Variants in BBX observed in about 807,000 individuals in gnomAD.
BBX encodes HMG box transcription factor BBX.
In BBX, 30 loss-of-function variants were observed where a neutral mutation model predicts 100.2. That is an observed-to-expected ratio of 0.30 (90% CI 0.22 to 0.41). The LOEUF (loss-of-function observed/expected upper bound fraction) is 0.41. Among genes scored for constraint, BBX ranks in the 10% least tolerant of loss-of-function variants. BBX has a pLI of 1.00. For missense variants in BBX, 1,023 were observed against 1,129.8 expected, an observed-to-expected ratio of 0.91 and a Z score of 1.35; for synonymous variants, 376 against 388.1, an observed-to-expected ratio of 0.97 and a Z score of 0.37.
intron 2 of BBX, among the ~76,000 whole-genome samples, chr3:107,623,419 C>T (rs1293426506): frequency 6.6e-6 from 1 of 152,170 alleles, no homozygotes; most frequent in Non-Finnish European, 1.5e-5. Context: ...AATGGTACTT[C>T]AAATTTTGTT....
intron 7 of BBX, among the ~76,000 whole-genome samples, chr3:107,736,188 G>C (rs961090700): frequency 1.3e-5 from 2 of 151,980 alleles, no homozygotes; most frequent in Non-Finnish European, 2.9e-5. Flanking sequence ...CTGAGACCCT[G>C]TAAAATAGAA....
intron 7 of BBX, among the ~76,000 whole-genome samples, chr3:107,738,768 C>G (rs1428457920): frequency 6.6e-6 from 1 of 152,164 alleles, no homozygotes; most frequent in Non-Finnish European, 1.5e-5. Flanking sequence ...ACTGCCAGAG[C>G]AGGGGCATTT....
In BBX at chr3:107,680,650, G is replaced by A. The variant is rs115629244; in HGVS notation, c.-9-29802G>A. The stretch of plus-strand genomic sequence containing the variant: ...TGATTCAATTGAATTGCTCTGTCTC[G>A]CTATAGCAGTTTTTAAAAGCTTCTT... On this transcript the variant is annotated intron_variant, in intron 3 of 17. Coordinates refer to ENST00000325805, the MANE Select transcript of BBX (RefSeq NM_001142568.3). Among the ~76,000 whole-genome samples the A allele has an allele frequency of 6.5e-3, 985 of 152,180 alleles. 4 individuals carry two copies. Among genetic ancestry groups the A allele is most frequent in the Non-Finnish European group, 9.3e-3 (634 of 68,002 alleles).
intron 2 of BBX, among the ~76,000 whole-genome samples, chr3:107,542,865 T>C (rs2048957825): frequency 6.6e-6 from 1 of 152,174 alleles, no homozygotes; most frequent in Admixed American, 6.5e-5. Context: ...CATGGACCAG[T>C]CTAGGCTCCC....
At chr3:107,755,802 C>T (rs1009119803) in intron 10 of BBX, 124 bp downstream of exon 10, 3 of 803,752 alleles carry the variant, frequency 3.7e-6, no homozygotes, top group African/African-American at 1.7e-5. Flanking sequence ...ATCTAATTTT[C>T]AACAATGAGA....
chr3:107,732,888 C>A, intron 6 of BBX, 68 bp from the exon 7 acceptor site: 1 of 1,316,994 alleles, frequency 7.6e-7, no homozygotes, highest in Non-Finnish European at 1.1e-6. Context: ...TATGAGTATT[C>A]TTTTTGACTC....
rs1164449210 is a variant in BBX at position 107,811,298 on chromosome 3, A to G, written c.*5841A>G. On this transcript the variant is annotated 3_prime_UTR_variant, in exon 18 of 18. Coordinates refer to ENST00000325805, the MANE Select transcript of BBX (RefSeq NM_001142568.3). ...TTTCACTAAAAACAGTAGGAAAAAT[A>G]CTAATAAAAGTAAGATATTTCAACT... The G allele has an allele frequency of 6.6e-6, 1 of 152,224 alleles. No homozygotes were observed. Among genetic ancestry groups the G allele is most frequent in the Non-Finnish European group, 1.5e-5 (1 of 68,042 alleles). 9.4% of individuals were successfully genotyped at this position (152,224 alleles called of 1,614,324 possible).
intron 2 of BBX, among the ~76,000 whole-genome samples, chr3:107,549,942 C>T (rs777449584): frequency 2.0e-5 from 3 of 150,262 alleles, no homozygotes; most frequent in African/African-American, 4.9e-5. Flanking sequence ...CTCAAGGAGC[C>T]AGGACAAGGG....
chr3:107,585,003 C>A (rs1255486769), intron 2 of BBX, among the ~76,000 whole-genome samples: 6 of 151,916 alleles, frequency 3.9e-5, no homozygotes, highest in Admixed American at 3.9e-4. Flanking sequence ...TAATTACTGG[C>A]CTTTGAGAGA....
chr3:107,606,898 G>A (rs755950941), intron 2 of BBX, among the ~76,000 whole-genome samples: 2 of 151,674 alleles, frequency 1.3e-5, no homozygotes, highest in African/African-American at 2.4e-5. Flanking sequence ...TCCTTATAAC[G>A]ACTTTTTTAT....
intron 6 of BBX, 89 bp from the exon 7 acceptor site, chr3:107,732,867 T>C (rs1327690183): frequency 6.6e-6 from 7 of 1,061,820 alleles, no homozygotes; most frequent in African/African-American, 1.6e-5. Context: ...GGATTTCTGA[T>C]TGCTAGTCTT....
At chr3:107,611,781 G>A (rs1003776662) in intron 2 of BBX, among the ~76,000 whole-genome samples, 5 of 152,030 alleles carry the variant, frequency 3.3e-5, no homozygotes, top group Non-Finnish European at 5.9e-5. Context: ...CTTTCTCTAG[G>A]TTAGGAAGTT....
chr3:107,781,716 G>T (rs1221695974), intron 13 of BBX, among the ~76,000 whole-genome samples: 1 of 152,034 alleles, frequency 6.6e-6, no homozygotes, highest in Non-Finnish European at 1.5e-5. Context: ...TTGAAATTAT[G>T]CCTCATCTTG....
At chr3:107,778,251 T>G in intron 12 of BBX, 120 bp from the exon 13 acceptor site, 2 of 1,244,058 alleles carry the variant, frequency 1.6e-6, no homozygotes, top group Non-Finnish European at 2.3e-6. Flanking sequence ...TGCACAGAAT[T>G]TACTTACCTA....
chr3:107,741,381 A>T (rs909619881), intron 7 of BBX, among the ~76,000 whole-genome samples: 32 of 152,216 alleles, frequency 2.1e-4, no homozygotes, highest in African/African-American at 7.7e-4. Context: ...TTCCATGGTT[A>T]TTGAGAATTA....
rs978405028 is a variant in BBX, at chr3:107,698,160, G to C, written c.-9-12292G>C. ...AAATGCAGAAATCACCCGTCTTCTG[G>C]GTCGCTCACACTGGGAGCTGTAGAC... On this transcript the variant is annotated intron_variant, in intron 3 of 17. Coordinates refer to ENST00000325805, the MANE Select transcript of BBX (RefSeq NM_001142568.3). Among the ~76,000 whole-genome samples, 16 of 151,754 alleles carry C rather than the reference G, an allele frequency of 1.1e-4. No homozygotes were observed. In the East Asian group the frequency reaches 2.1e-3, roughly 20 times the overall value.
chr3:107,782,567 C>G (rs1011242137), intron 13 of BBX, among the ~76,000 whole-genome samples: 8 of 151,984 alleles, frequency 5.3e-5, no homozygotes, highest in African/African-American at 1.9e-4. Flanking sequence ...TAGGCTCATG[C>G]TGAAGTGGCT....
chr3:107,755,552 C>A, intron 9 of BBX, 46 bp from the exon 10 acceptor site: 1 of 1,528,248 alleles, frequency 6.5e-7, no homozygotes, highest in Non-Finnish European at 9.1e-7. Context: ...AGCAAAGATT[C>A]TGGTATCACA....
intron 3 of BBX, among the ~76,000 whole-genome samples, chr3:107,694,790 C>T (rs1349625053): frequency 1.3e-5 from 2 of 151,728 alleles, no homozygotes; most frequent in East Asian, 3.8e-4. Context: ...CTCCTTGTAC[C>T]TCTGATATAA....
Sources: allele counts gnomAD v4.1 joint callset (sites outside exome capture counted in the v4.1 genomes callset), GRCh38; gene constraint gnomAD v4.1.1; transcripts MANE v1.5; gene names NCBI Gene and HGNC (gene_info 2026-07-23, HGNC 2026-07-21).